Variants in CARMIL1 observed in about 807,000 individuals in gnomAD.
The protein encoded by CARMIL1 is capping protein regulator and myosin 1 linker 1, also known as F-actin-uncapping protein LRRC16A.
CARMIL1 carries 90 observed loss-of-function variants against 177.1 expected under a neutral mutation model. The observed-to-expected ratio is 0.51, with a 90% confidence interval of 0.43 to 0.61. The LOEUF (loss-of-function observed/expected upper bound fraction) is 0.61, where lower values mean the gene tolerates loss of function less well. CARMIL1 is among the 20% of genes least tolerant of loss of function. CARMIL1 has a pLI of 0.00. For synonymous variants in CARMIL1, 577 were observed against 606.2 expected, an observed-to-expected ratio of 0.95 and a Z score of 0.71; for missense variants, 1,380 against 1,667.0, an observed-to-expected ratio of 0.83 and a Z score of 3.00.
chr6:25,542,562 TC>T (rs756429200), intron 26 of CARMIL1, among the ~76,000 whole-genome samples: 16 of 152,164 alleles, frequency 1.1e-4, no homozygotes, highest in Non-Finnish European at 1.8e-4. Context: ...CCCCACCTTT[TC>T]CTGTTCCCTA....
intron 1 of CARMIL1, among the ~76,000 whole-genome samples, chr6:25,283,249 G>T (rs997254785): frequency 2.0e-5 from 3 of 152,150 alleles, no homozygotes; most frequent in African/African-American, 7.2e-5. Context: ...AAAAATGACT[G>T]CAACTCGTAG....
intron 11 of CARMIL1, 28 bp downstream of exon 11, chr6:25,472,549 T>C: frequency 2.0e-6 from 3 of 1,496,018 alleles, no homozygotes; most frequent in Non-Finnish European, 2.7e-6. Flanking sequence ...TTATCATTGA[T>C]GCCAGAATTG....
rs528867109 is a variant in CARMIL1 at position 25,405,262 on chromosome 6, C to A, written c.139-14852C>A. Among the ~76,000 whole-genome samples, 60 of 152,310 alleles carry A rather than the reference C, an allele frequency of 3.9e-4. 1 individual carries two copies. The highest frequency in any genetic ancestry group is 1.4e-3 in the African/African-American group (59 of 41,570). On this transcript the variant is annotated intron_variant, in intron 2 of 36. Coordinates refer to ENST00000329474, the MANE Select transcript of CARMIL1 (RefSeq NM_017640.6). Reference sequence around the variant, plus strand: ...AAATAGCTTTGCTCCCTTGAGCATGCCCTTTCTATATGCCCTGGCTTTAGA... The same window carrying A: ...AAATAGCTTTGCTCCCTTGAGCATGACCTTTCTATATGCCCTGGCTTTAGA...
At chr6:25,619,075 C>A (rs960730181) in intron 36 of CARMIL1, among the ~76,000 whole-genome samples, 1 of 152,170 alleles carries the variant, frequency 6.6e-6, no homozygotes, top group African/African-American at 2.4e-5. Context: ...TGTGAGGGGG[C>A]AGCTATGACT....
intron 32 of CARMIL1, among the ~76,000 whole-genome samples, chr6:25,598,646 T>C (rs1724869849): frequency 1.3e-5 from 2 of 152,188 alleles, no homozygotes; most frequent in Admixed American, 1.3e-4. Context: ...ATTTCCTCAG[T>C]TGTATCTTCC....
At position 25,414,669 on chromosome 6, in the gene CARMIL1, T is replaced by C. The variant is rs1795214875; in HGVS notation, c.139-5445T>C. Among the ~76,000 whole-genome samples the C allele has an allele frequency of 2.6e-5, 4 of 152,206 alleles. 1 individual carries two copies. The highest frequency in any genetic ancestry group is 1.3e-4 in the Admixed American group (2 of 15,280). On this transcript the variant is annotated intron_variant, in intron 2 of 36. Transcript: ENST00000329474. ...CAATCTGACTTGTAACAGTAGTATT[T>C]GTAATTTTCATTCTTGCTTTAAAAT...
chr6:25,473,672 T>G lies in CARMIL1; in HGVS notation c.874+1151T>G, dbSNP rs542880064. On this transcript the variant is annotated intron_variant, in intron 11 of 36. Coordinates refer to ENST00000329474, the MANE Select transcript of CARMIL1 (RefSeq NM_017640.6). ...AAAAATCCACACGGAAGTGGACCAG[T>G]GCAGTTCAAACCCATGTTGTTCAAG... Among the ~76,000 whole-genome samples, 91 of 152,280 alleles carry G rather than the reference T, an allele frequency of 6.0e-4. 3 individuals carry two copies. In the South Asian group the frequency reaches 0.018, roughly 31 times the overall value.
At chr6:25,302,041 A>T (rs1782896662) in intron 2 of CARMIL1, among the ~76,000 whole-genome samples, 1 of 121,386 alleles carries the variant, frequency 8.2e-6, no homozygotes, top group Non-Finnish European at 1.9e-5. Context: ...TAAAAAAATC[A>T]TTAAAAATAC....
intron 1 of CARMIL1, among the ~76,000 whole-genome samples, chr6:25,281,134 G>GCACA (rs1305000773): frequency 3.1e-3 from 213 of 67,934 alleles, no homozygotes; most frequent in African/African-American, 9.8e-3. Flanking sequence ...GTGTGCGCGC[G>GCACA]CGCACACACA....
chr6:25,406,467 A>G (rs758384957), intron 2 of CARMIL1, among the ~76,000 whole-genome samples: 12 of 152,198 alleles, frequency 7.9e-5, no homozygotes, highest in Non-Finnish European at 1.6e-4. Flanking sequence ...TTAAAAGATC[A>G]CGTTCAGATC....
chr6:25,369,512 G>A (rs1318046479), intron 2 of CARMIL1, among the ~76,000 whole-genome samples: 1 of 151,580 alleles, frequency 6.6e-6, no homozygotes. Context: ...TCTGGATCTA[G>A]CTTGTGCCCC....
At chr6:25,498,005 C>T (rs552065586) in intron 16 of CARMIL1, among the ~76,000 whole-genome samples, 1 of 152,160 alleles carries the variant, frequency 6.6e-6, no homozygotes, top group Non-Finnish European at 1.5e-5. Context: ...TAGTCTGGTT[C>T]ATATGTGTCC....
intron 31 of CARMIL1, among the ~76,000 whole-genome samples, chr6:25,585,933 C>T (rs1229604180): frequency 2.6e-5 from 4 of 152,214 alleles, no homozygotes; most frequent in Non-Finnish European, 2.9e-5. Context: ...AATGGAGTCT[C>T]CTATGTCTAC....
At chr6:25,404,546 C>T (rs558270616) in intron 2 of CARMIL1, among the ~76,000 whole-genome samples, 12 of 152,052 alleles carry the variant, frequency 7.9e-5, no homozygotes, top group South Asian at 2.1e-4. Flanking sequence ...CACCTGAGGT[C>T]GGGAGTTTGA....
At chr6:25,403,448 A>G (rs568142930) in intron 2 of CARMIL1, among the ~76,000 whole-genome samples, 1 of 152,278 alleles carries the variant, frequency 6.6e-6, no homozygotes, top group African/African-American at 2.4e-5. Flanking sequence ...CAGGGCAATT[A>G]TCAGTCAGAA....
intron 29 of CARMIL1, among the ~76,000 whole-genome samples, chr6:25,560,130 G>A (rs1309653139): frequency 2.6e-5 from 4 of 152,110 alleles, no homozygotes; most frequent in Non-Finnish European, 5.9e-5. Flanking sequence ...TGATTTGAGT[G>A]ATTTCTTGGG....
chr6:25,529,486 A>C (rs1807500391), intron 24 of CARMIL1, among the ~76,000 whole-genome samples: 1 of 152,212 alleles, frequency 6.6e-6, no homozygotes, highest in Admixed American at 6.5e-5. Flanking sequence ...AACCAAAACC[A>C]AAAATCACAA....
intron 2 of CARMIL1, among the ~76,000 whole-genome samples, chr6:25,385,065 G>A (rs1047881687): frequency 2.6e-5 from 4 of 152,182 alleles, no homozygotes; most frequent in Middle Eastern, 3.2e-3. Context: ...TTCACATTCG[G>A]TGAGAGAGGA....
intron 29 of CARMIL1, among the ~76,000 whole-genome samples, chr6:25,564,505 A>T (rs1248007448): frequency 6.6e-6 from 1 of 152,174 alleles, no homozygotes; most frequent in Non-Finnish European, 1.5e-5. Flanking sequence ...TACCACTATT[A>T]TTGTCACTCT....
Sources: allele counts gnomAD v4.1 joint callset (sites outside exome capture counted in the v4.1 genomes callset), GRCh38; gene constraint gnomAD v4.1.1; transcripts MANE v1.5; gene names NCBI Gene and HGNC (gene_info 2026-07-23, HGNC 2026-07-21).